MEF2A: variants seen among roughly 807,000 people sequenced by gnomAD.
The protein encoded by MEF2A is myocyte enhancer factor 2A, also known as myocyte-specific enhancer factor 2A.
A neutral mutation model predicts 55.8 loss-of-function variants in MEF2A; 28 were observed. The ratio of observed to expected loss-of-function variants is 0.50; its 90% confidence interval spans 0.37 to 0.69. The LOEUF is 0.69. Among genes scored for constraint, MEF2A ranks in the 30% least tolerant of loss-of-function variants. The pLI is 0.00. For synonymous variants in MEF2A, 239 were observed against 227.1 expected, an observed-to-expected ratio of 1.05 and a Z score of -0.47; for missense variants, 528 against 626.2, an observed-to-expected ratio of 0.84 and a Z score of 1.67.
chr15:99,657,749 GA>G (rs1465665015), intron 4 of MEF2A, among the ~76,000 whole-genome samples: 2 of 152,076 alleles, frequency 1.3e-5, no homozygotes, highest in Admixed American at 6.6e-5. Context: ...AAGAAAAGAG[GA>G]AAATCCACTG....
intron 2 of MEF2A, among the ~76,000 whole-genome samples, chr15:99,615,648 G>A (rs2040058228): frequency 6.6e-6 from 1 of 152,192 alleles, no homozygotes; most frequent in African/African-American, 2.4e-5. Flanking sequence ...AGGTTTGAAT[G>A]CAGGCGGGCA....
At chr15:99,609,573 G>C (rs2581474) in intron 2 of MEF2A, among the ~76,000 whole-genome samples, 32,856 of 152,010 alleles carry the variant, frequency 0.22, 4,079 homozygotes, top group South Asian at 0.31. Flanking sequence ...ATGTACAATT[G>C]AGGCTCAAAT....
intron 1 of MEF2A, among the ~76,000 whole-genome samples, chr15:99,590,629 TTTC>T: frequency 6.6e-6 from 1 of 152,020 alleles, no homozygotes; most frequent in African/African-American, 2.4e-5. Flanking sequence ...TTTAATCTAC[TTTC>T]TTGGTTGATT....
chr15:99,621,734 C>A lies in MEF2A; in HGVS notation c.-142-11244C>A, dbSNP rs200750025. ...TGTCCAAAATTAAATCCTTAAGTTC[C>A]ATTCTTTTAAAAAAGTAATAGATCC... On this transcript the variant is annotated intron_variant, in intron 2 of 11. Transcript: ENST00000557942. 2.0e-5 allele frequency among the ~76,000 whole-genome samples: 3 copies of A among 152,126 alleles called. No individual in the cohort carries two copies. The East Asian group carries it at 5.8e-4, about 29-fold the overall frequency.
At chr15:99,581,079 T>C (rs983762789) in intron 1 of MEF2A, among the ~76,000 whole-genome samples, 1 of 152,080 alleles carries the variant, frequency 6.6e-6, no homozygotes, top group Non-Finnish European at 1.5e-5. Flanking sequence ...AGAAGTTCTT[T>C]ATGCTTGGTT....
At chr15:99,647,481 G>A (rs1051626825) in intron 4 of MEF2A, among the ~76,000 whole-genome samples, 1 of 152,126 alleles carries the variant, frequency 6.6e-6, no homozygotes, top group East Asian at 1.9e-4. Flanking sequence ...TTCTTGGTCC[G>A]TGGAGGTTGA....
chr15:99,585,543 G>A (rs1170677424), intron 1 of MEF2A, among the ~76,000 whole-genome samples: 1 of 151,966 alleles, frequency 6.6e-6, no homozygotes, highest in African/African-American at 2.4e-5. Context: ...TTCTAATTTG[G>A]CTTTTACTGT....
At chr15:99,676,251 CAATT>C (rs925138636) in intron 7 of MEF2A, among the ~76,000 whole-genome samples, 1 of 151,960 alleles carries the variant, frequency 6.6e-6, no homozygotes, top group East Asian at 1.9e-4. Context: ...TAACAGAAAA[CAATT>C]AAATGTGGGA....
At chr15:99,617,603 A>C (rs190134559) in intron 2 of MEF2A, among the ~76,000 whole-genome samples, 2 of 152,326 alleles carry the variant, frequency 1.3e-5, no homozygotes, top group Admixed American at 1.3e-4. Flanking sequence ...AGGCTAATCA[A>C]AACAGGAAAG....
chr15:99,682,721 AT>A (rs1184252137), intron 7 of MEF2A, among the ~76,000 whole-genome samples: 1 of 152,188 alleles, frequency 6.6e-6, no homozygotes, highest in East Asian at 1.9e-4. Context: ...TACTCTTGAA[AT>A]TTGGTTCTCA....
At chr15:99,605,242 C>T (rs1234538353) in intron 2 of MEF2A, among the ~76,000 whole-genome samples, 1 of 152,196 alleles carries the variant, frequency 6.6e-6, no homozygotes. Context: ...GCTGCTGCGT[C>T]CTGCCTCTCT....
chr15:99,569,294 GATCTCCCTGC>G (rs1396006582), intron 1 of MEF2A, among the ~76,000 whole-genome samples: 1 of 152,220 alleles, frequency 6.6e-6, no homozygotes, highest in Non-Finnish European at 1.5e-5. Flanking sequence ...CGTATTGCCT[GATCTCCCTGC>G]ATCCCTTCTG....
At chr15:99,614,431 G>T (rs1386085614) in intron 2 of MEF2A, among the ~76,000 whole-genome samples, 1 of 152,156 alleles carries the variant, frequency 6.6e-6, no homozygotes, top group Non-Finnish European at 1.5e-5. Flanking sequence ...CTTAGAGAAT[G>T]TCCAATAGCC....
chr15:99,633,715 T>C (rs903039196), intron 3 of MEF2A, among the ~76,000 whole-genome samples: 4 of 152,064 alleles, frequency 2.6e-5, no homozygotes, highest in Non-Finnish European at 5.9e-5. Flanking sequence ...GGTACCAGTG[T>C]GGGTAAATCC....
chr15:99,696,500 C>T (rs977823310), intron 8 of MEF2A, among the ~76,000 whole-genome samples: 4 of 151,916 alleles, frequency 2.6e-5, no homozygotes, highest in African/African-American at 9.7e-5. Flanking sequence ...TATTTTAACC[C>T]AAGGACCAGA....
intron 1 of MEF2A, among the ~76,000 whole-genome samples, chr15:99,570,819 A>C (rs546978592): frequency 1.8e-4 from 28 of 152,240 alleles, no homozygotes; most frequent in Non-Finnish European, 3.5e-4. Flanking sequence ...GAAAAAAAAA[A>C]AAACAACTTT....
At chr15:99,646,634 GA>G (rs2046004375) in intron 4 of MEF2A, among the ~76,000 whole-genome samples, 3 of 151,976 alleles carry the variant, frequency 2.0e-5, no homozygotes, top group Admixed American at 2.0e-4. Flanking sequence ...AATTGAAAAA[GA>G]ACAAATGGAG....
At chr15:99,680,038 GT>G (rs2052919577) in intron 7 of MEF2A, among the ~76,000 whole-genome samples, 2 of 152,332 alleles carry the variant, frequency 1.3e-5, no homozygotes, top group African/African-American at 4.8e-5. Flanking sequence ...AGACAAGTCA[GT>G]TTAAGATGAC....
chr15:99,702,399 A>ATG (rs1179516223), intron 8 of MEF2A, among the ~76,000 whole-genome samples: 1 of 151,126 alleles, frequency 6.6e-6, no homozygotes. Context: ...TATTTTCTAA[A>ATG]TGTTATGGAG....
Sources: allele counts gnomAD v4.1 joint callset (sites outside exome capture counted in the v4.1 genomes callset), GRCh38; gene constraint gnomAD v4.1.1; transcripts MANE v1.5; gene names NCBI Gene and HGNC (gene_info 2026-07-23, HGNC 2026-07-21).